Variants in C9orf57 observed in about 807,000 individuals in gnomAD.
C9orf57 encodes the protein chromosome 9 open reading frame 57, also known as uncharacterized protein C9orf57.
A neutral mutation model predicts 12.9 loss-of-function variants in C9orf57; 12 were observed. The observed-to-expected ratio is 0.93, with a 90% CI of 0.60 to 1.51. C9orf57 has a LOEUF of 1.51. C9orf57 is among the 40% of genes most tolerant of loss of function. The pLI is 0.00. For missense variants in C9orf57, 141 were observed against 162.8 expected (o/e 0.87, Z 0.73); for synonymous variants, 49 against 57.1 (o/e 0.86, Z 0.64).
In C9orf57 at chr9:72,051,973, T is replaced by C. The variant is rs1026585872; in HGVS notation, c.*323A>G. The C allele has an allele frequency of 1.9e-5, 5 of 258,470 alleles. No homozygotes were observed. Among genetic ancestry groups the C allele is most frequent in the Non-Finnish European group, 3.7e-5 (5 of 135,564 alleles). 16.0% of individuals were successfully genotyped at this position (258,470 alleles called of 1,614,324 possible). ...AATTATTGAGGGAAATGAAAGTAGTTAGAGGTGACATGCCTAGTTTGACTT... is the reference window on the plus strand; with the variant it reads ...AATTATTGAGGGAAATGAAAGTAGTCAGAGGTGACATGCCTAGTTTGACTT... On this transcript the variant is annotated 3_prime_UTR_variant, in exon 5 of 5. Transcript: ENST00000651200.
intron 1 of C9orf57, among the ~76,000 whole-genome samples, chr9:72,060,159 G>C (rs1352614208): frequency 6.6e-6 from 1 of 152,128 alleles, no homozygotes; most frequent in Non-Finnish European, 1.5e-5. Context: ...CGATTTTCCT[G>C]CCTCAGCCTC....
chr9:72,052,854 T>C (rs1570638), intron 4 of C9orf57, among the ~76,000 whole-genome samples: 100,207 of 152,020 alleles, frequency 0.66, 33,352 homozygotes, highest in Non-Finnish European at 0.71. Context: ...GAAATGGAGG[T>C]GTATGTATGA....
At chr9:72,053,075 T>A (rs890600897) in intron 4 of C9orf57, among the ~76,000 whole-genome samples, 1 of 152,124 alleles carries the variant, frequency 6.6e-6, no homozygotes, top group Admixed American at 6.5e-5. Flanking sequence ...GGTTTTCAGC[T>A]GGGGATGATT....
rs144815106 is a variant in C9orf57, at chr9:72,052,545, T to C, written c.281-110A>G. The C allele has an allele frequency of 3.0e-5, 30 of 1,008,388 alleles. No individual in the cohort carries two copies. The African/African-American group carries it at 4.4e-4, about 15-fold the overall frequency. The allele number at this position is 1,008,388 out of a possible 1,614,324, so 62.5% of individuals were successfully genotyped here. ...AAGCAAAACTTTAGTTTTATCAAGG[T>C]ACGAATCTAGCATTTCCACCATTAA... On this transcript the variant is annotated intron_variant, in intron 4 of 4. Coordinates refer to ENST00000651200, the MANE Select transcript of C9orf57 (RefSeq NM_001128618.2).
At position 72,052,252 on chromosome 9, in the gene C9orf57, G is replaced by A. The variant is rs567104515; in HGVS notation, c.*44C>T. On this transcript the variant is annotated 3_prime_UTR_variant, in exon 5 of 5. Transcript: ENST00000651200. ...TTTTGTGATAGCCAGGTCAGGCTTC[G>A]AGACTGATTGATCTGCCAAGCATTT... 3.2e-6 allele frequency: 5 copies of A among 1,544,994 alleles called. No homozygotes were observed. Among genetic ancestry groups the A allele is most frequent in the South Asian group, 2.4e-5 (2 of 83,174 alleles).
chr9:72,060,361 T>A, intron 1 of C9orf57, 136 bp downstream of exon 1: 1 of 618,378 alleles, frequency 1.6e-6, no homozygotes, highest in Non-Finnish European at 2.9e-6. Flanking sequence ...TTATTAATAA[T>A]ACTTTCACTG....
chr9:72,056,757 T>C, intron 3 of C9orf57, 27 bp downstream of exon 3: 1 of 1,543,960 alleles, frequency 6.5e-7, no homozygotes, highest in Non-Finnish European at 8.8e-7. Context: ...TTATTTTAAT[T>C]AAAATTTTTA....
In C9orf57 at chr9:72,060,542, C is replaced by A; in HGVS notation, c.-99G>T. On this transcript the variant is annotated 5_prime_UTR_variant, in exon 1 of 5. Transcript: ENST00000651200. Reference sequence around the variant, plus strand: ...CTATGGAAATTTTCCTGGGTCTGAACTTTCTTAAAAGGATGAGAACGAGTA... The same window carrying A: ...CTATGGAAATTTTCCTGGGTCTGAAATTTCTTAAAAGGATGAGAACGAGTA... 3 of 1,549,304 alleles carry A rather than the reference C, an allele frequency of 1.9e-6. No homozygotes were observed. Among genetic ancestry groups the A allele is most frequent in the Non-Finnish European group, 2.6e-6 (3 of 1,145,344 alleles).
At chr9:72,058,443 G>A (rs1415074399) in intron 2 of C9orf57, among the ~76,000 whole-genome samples, 1 of 152,158 alleles carries the variant, frequency 6.6e-6, no homozygotes, top group African/African-American at 2.4e-5. Context: ...TTACAGGCGT[G>A]AGCCACCGCG....
At chr9:72,053,820 C>T (rs1407349686) in intron 4 of C9orf57, among the ~76,000 whole-genome samples, 2 of 152,138 alleles carry the variant, frequency 1.3e-5, no homozygotes, top group Admixed American at 6.6e-5. Context: ...GATTGTTATT[C>T]ATCAGTGGTA....
At chr9:72,053,119 C>T (rs553104121) in intron 4 of C9orf57, among the ~76,000 whole-genome samples, 198 of 152,096 alleles carry the variant, frequency 1.3e-3, no homozygotes, top group African/African-American at 4.5e-3. Flanking sequence ...CGGGTAATAC[C>T]CAGAGACATT....
chr9:72,057,827 T>G (rs896739046), intron 2 of C9orf57, among the ~76,000 whole-genome samples: 3 of 152,250 alleles, frequency 2.0e-5, no homozygotes, highest in Non-Finnish European at 4.4e-5. Flanking sequence ...GTTTACATAT[T>G]GGTTATCTTC....
In C9orf57 at chr9:72,057,467, C is replaced by G. The variant is rs529985983; in HGVS notation, c.98-624G>C. ...GTCTCAAACTCCTAACTCAGGTGATCTACCCACCTCGGCCTCCCAGAGTGC... is the reference window on the plus strand; with the variant it reads ...GTCTCAAACTCCTAACTCAGGTGATGTACCCACCTCGGCCTCCCAGAGTGC... On this transcript the variant is annotated intron_variant, in intron 2 of 4. Transcript: ENST00000651200. 5.9e-5 allele frequency among the ~76,000 whole-genome samples: 9 copies of G among 152,224 alleles called. No homozygotes were observed. The South Asian group carries it at 1.9e-3, about 32-fold the overall frequency.
At chr9:72,052,467 T>A in intron 4 of C9orf57, 32 bp from the exon 5 acceptor site, 1 of 1,547,410 alleles carries the variant, frequency 6.5e-7, no homozygotes, top group Non-Finnish European at 8.7e-7. Flanking sequence ...AGGAAATTTC[T>A]TGGGAGGTAC....
rs201522474 is a variant in C9orf57 at position 72,059,286 on chromosome 9, C to A, written c.46G>T (p.Gly16Cys). The A allele has an allele frequency of 2.6e-6, 4 of 1,551,702 alleles. No individual in the cohort carries two copies. The highest frequency in any genetic ancestry group is 3.5e-6 in the Non-Finnish European group (4 of 1,146,998). The change falls in exon 2 of 5, where the codon GGT (glycine) becomes TGT (cysteine). Residue 16 changes from glycine (G) to cysteine (C), a missense_variant. Physicochemically the swap from Gly to Cys is radical, Grantham distance 159. Coordinates refer to ENST00000651200, the MANE Select transcript of C9orf57 (RefSeq NM_001128618.2). ...FAGVILFRLL[G>C]VILFRLLGVI... Reference sequence around the variant, plus strand: ...CCTAAGAGGCGGAATAAGATAACACCTAAGAGGCGGAATAAGATAACACCA... The same window carrying A: ...CCTAAGAGGCGGAATAAGATAACACATAAGAGGCGGAATAAGATAACACCA...
At position 72,056,787 on chromosome 9, in the gene C9orf57, G is replaced by A; in HGVS notation, c.154C>T (p.Gln52Ter). Residue 52 changes from glutamine (Q) to a stop codon, truncating the protein, a stop_gained, in exon 3 of 5, where the codon CAA (glutamine) becomes TAA (stop). Coordinates refer to ENST00000651200, the MANE Select transcript of C9orf57 (RefSeq NM_001128618.2). LOFTEE classifies it high-confidence loss of function. The part of the protein sequence containing the change: ...GQYWKEEVHI[Q>*]DVGGLICRAC... ...TTTTTAAAGTGTCAAAACTTACCTT[G>A]AATGTGGACCTCTTCTTTCCAGTAC... The A allele has an allele frequency of 6.5e-7, 1 of 1,549,394 alleles. No homozygotes were observed. Among genetic ancestry groups the A allele is most frequent in the Non-Finnish European group, 8.7e-7 (1 of 1,145,836 alleles).
chr9:72,056,567 A>T (rs951711032), intron 3 of C9orf57, among the ~76,000 whole-genome samples: 1 of 151,980 alleles, frequency 6.6e-6, no homozygotes, highest in Non-Finnish European at 1.5e-5. Context: ...CTCATTAGCT[A>T]TGTGACTGTG....
intron 4 of C9orf57, among the ~76,000 whole-genome samples, chr9:72,053,831 T>C (rs1564121593): frequency 6.6e-6 from 1 of 152,240 alleles, no homozygotes; most frequent in African/African-American, 2.4e-5. Context: ...ATCAGTGGTA[T>C]ACTGAACGTA....
Position 72,059,372 on chromosome 9 carries a change from G to A in C9orf57, c.-41C>T, listed in dbSNP as rs1371288240. 13 of 1,551,664 alleles carry A rather than the reference G, an allele frequency of 8.4e-6. No individual in the cohort carries two copies. Among genetic ancestry groups the A allele is most frequent in the East Asian group, 2.4e-5 (1 of 40,924 alleles). ...GAAAAGGAGATGAAAGGAAAGACAC[G>A]TCCCACTGATTTCTGGGGAAGCAAT... On this transcript the variant is annotated 5_prime_UTR_variant, in exon 2 of 5. It adds an upstream start codon to the 5' untranslated region. Transcript: ENST00000651200.
Sources: gnomAD v4.1 joint callset for allele counts (sites outside exome capture counted in the v4.1 genomes callset) on GRCh38, gnomAD v4.1.1 for gene constraint, MANE v1.5 for transcripts, NCBI Gene and HGNC (gene_info 2026-07-23, HGNC 2026-07-21) for gene names.